Variants in TNR observed in about 807,000 individuals in gnomAD.
TNR encodes the protein tenascin-R.
In TNR, 45 loss-of-function variants were observed where a neutral mutation model predicts 150.4. That is an observed-to-expected ratio of 0.30 (90% CI 0.24 to 0.38). The LOEUF (loss-of-function observed/expected upper bound fraction) is 0.38, where lower values mean the gene tolerates loss of function less well. Ranked by LOEUF, TNR falls within the 10% of genes least tolerant of loss-of-function variation. The pLI, the probability that TNR is intolerant of heterozygous loss-of-function variation, is 1.00. For missense variants in TNR, 1,544 were observed against 1,759.1 expected (o/e 0.88, Z 2.19); for synonymous variants, 687 against 678.4 (o/e 1.01, Z -0.20).
chr1:175,431,280 T>A (rs1655248623), intron 2 of TNR, among the ~76,000 whole-genome samples: 2 of 152,214 alleles, frequency 1.3e-5, no homozygotes, highest in Admixed American at 1.3e-4. Flanking sequence ...TGAAAAGTAT[T>A]TAAGTTTTCA....
chr1:175,738,628 C>T (rs564654920), intron 1 of TNR, among the ~76,000 whole-genome samples: 1 of 152,206 alleles, frequency 6.6e-6, no homozygotes, highest in African/African-American at 2.4e-5. Context: ...GTACTTAGTG[C>T]CATTGAACTA....
chr1:175,679,228 A>G (rs1367392387), intron 1 of TNR, among the ~76,000 whole-genome samples: 2 of 152,188 alleles, frequency 1.3e-5, no homozygotes, highest in African/African-American at 4.8e-5. Context: ...CTGCAACATC[A>G]CTCAGGCTCT....
At chr1:175,478,229 T>G (rs1270629316) in intron 2 of TNR, among the ~76,000 whole-genome samples, 1 of 152,226 alleles carries the variant, frequency 6.6e-6, no homozygotes, top group East Asian at 1.9e-4. Context: ...CTACACAGTT[T>G]TCAAGTGAGA....
At chr1:175,550,329 TCCAAC>T (rs1460653254) in intron 1 of TNR, among the ~76,000 whole-genome samples, 1 of 152,104 alleles carries the variant, frequency 6.6e-6, no homozygotes, top group East Asian at 1.9e-4. Context: ...CAAACAACTT[TCCAAC>T]CCTCACCTCC....
At chr1:175,578,910 C>T (rs1571631490) in intron 1 of TNR, among the ~76,000 whole-genome samples, 1 of 152,140 alleles carries the variant, frequency 6.6e-6, no homozygotes, top group African/African-American at 2.4e-5. Context: ...GAAGCCCCCT[C>T]CTCTACTGCC....
chr1:175,677,077 C>T (rs2101907293), intron 1 of TNR, among the ~76,000 whole-genome samples: 1 of 152,316 alleles, frequency 6.6e-6, no homozygotes, highest in South Asian at 2.1e-4. Flanking sequence ...AATGCTTTTT[C>T]TACTTCTCCC....
intron 1 of TNR, among the ~76,000 whole-genome samples, chr1:175,672,365 C>T (rs1665729028): frequency 6.6e-6 from 1 of 152,114 alleles, no homozygotes; most frequent in Admixed American, 6.5e-5. Context: ...CTGACTTTGG[C>T]CCATGAGCTG....
chr1:175,697,980 C>A (rs4652108), intron 1 of TNR, among the ~76,000 whole-genome samples: 32,085 of 152,174 alleles, frequency 0.21, 4,120 homozygotes, highest in African/African-American at 0.35. Context: ...CTCCGACTCT[C>A]CCCGTGTGTT....
chr1:175,617,413 G>C (rs1663816341), intron 1 of TNR, among the ~76,000 whole-genome samples: 2 of 152,224 alleles, frequency 1.3e-5, no homozygotes, highest in Admixed American at 1.3e-4. Context: ...TGCACCAGGA[G>C]GTCTGGGAGC....
At chr1:175,543,685 T>C (rs564733144) in intron 1 of TNR, among the ~76,000 whole-genome samples, 1 of 152,150 alleles carries the variant, frequency 6.6e-6, no homozygotes, top group Non-Finnish European at 1.5e-5. Flanking sequence ...TCGTAATTTA[T>C]ATAAGAAGAG....
chr1:175,328,265 A>T (rs1329426589), intron 21 of TNR, among the ~76,000 whole-genome samples: 3 of 152,226 alleles, frequency 2.0e-5, no homozygotes, highest in African/African-American at 7.2e-5. Flanking sequence ...ATAAACTTTT[A>T]GGAGCTGCTC....
intron 1 of TNR, among the ~76,000 whole-genome samples, chr1:175,740,931 A>G (rs1316096810): frequency 1.3e-5 from 2 of 152,202 alleles, no homozygotes; most frequent in Non-Finnish European, 1.5e-5. Context: ...TGGTGATGTG[A>G]CAATCAGGTG....
chr1:175,694,458 T>G (rs1290388384), intron 1 of TNR, among the ~76,000 whole-genome samples: 1 of 152,204 alleles, frequency 6.6e-6, no homozygotes, highest in Non-Finnish European at 1.5e-5. Context: ...ATTTTTGAAT[T>G]TCACTGTTCA....
intron 2 of TNR, among the ~76,000 whole-genome samples, chr1:175,446,947 T>C (rs1205379723): frequency 6.6e-6 from 1 of 152,206 alleles, no homozygotes; most frequent in African/African-American, 2.4e-5. Context: ...GTGTTATATG[T>C]ATGTGCAAAT....
chr1:175,342,775 C>T (rs1321822782), intron 18 of TNR, among the ~76,000 whole-genome samples: 1 of 152,250 alleles, frequency 6.6e-6, no homozygotes, highest in Non-Finnish European at 1.5e-5. Flanking sequence ...GACCACCTGC[C>T]TTCTGCCCAA....
intron 2 of TNR, among the ~76,000 whole-genome samples, chr1:175,466,270 A>C (rs1233270907): frequency 1.3e-5 from 2 of 152,192 alleles, no homozygotes; most frequent in Non-Finnish European, 2.9e-5. Context: ...TCTGGATTCA[A>C]ATCTCATGTT....
At chr1:175,462,957 G>A (rs752445864) in intron 2 of TNR, among the ~76,000 whole-genome samples, 1 of 152,146 alleles carries the variant, frequency 6.6e-6, no homozygotes, top group Non-Finnish European at 1.5e-5. Context: ...TTATCCTTTG[G>A]ACATAGCGAG....
chr1:175,519,316 G>A (rs556973045), intron 2 of TNR, among the ~76,000 whole-genome samples: 21 of 152,304 alleles, frequency 1.4e-4, no homozygotes, highest in African/African-American at 4.3e-4. Flanking sequence ...GAAGGAAATT[G>A]TTTACAATTG....
chr1:175,363,636 C>A (rs573374997), intron 13 of TNR, 72 bp downstream of exon 13: 46 of 1,537,408 alleles, frequency 3.0e-5, no homozygotes, highest in Non-Finnish European at 1.2e-5. Flanking sequence ...GGATGTTCTG[C>A]GGGATATGCT....
Sources: allele counts gnomAD v4.1 joint callset (sites outside exome capture counted in the v4.1 genomes callset), GRCh38; gene constraint gnomAD v4.1.1; transcripts MANE v1.5; gene names NCBI Gene and HGNC (gene_info 2026-07-23, HGNC 2026-07-21).